The following SLC3A1 variants were observed in gnomAD, a reference collection of about 807,000 sequenced individuals.
SLC3A1 encodes the protein solute carrier family 3 member 1.
SLC3A1 carries 78 observed loss-of-function variants against 60.3 expected under a neutral mutation model. The observed-to-expected ratio is 1.29, with a 90% CI of 1.08 to 1.56. The LOEUF (loss-of-function observed/expected upper bound fraction) is 1.56, where lower values mean the gene tolerates loss of function less well. SLC3A1 is among the 40% of genes most tolerant of loss of function. The probability of loss-of-function intolerance (pLI) is 0.00; values close to 1 mark genes in which losing one functional copy is unlikely to be tolerated. For missense variants in SLC3A1, 1,172 were observed against 858.9 expected (o/e 1.36, Z -4.56); for synonymous variants, 392 against 307.9 (o/e 1.27, Z -2.86).
chr2:44,286,130 C>T lies in SLC3A1; in HGVS notation c.864C>T (p.Arg288=), dbSNP rs751241989. 21 of 1,613,964 alleles carry T rather than the reference C, an allele frequency of 1.3e-5. No homozygotes were observed. The highest frequency in any genetic ancestry group is 1.8e-5 in the Non-Finnish European group (21 of 1,179,884). Residue 288 remains arginine (R), a synonymous_variant, in exon 4 of 10, where the codon CGC becomes CGT. Coordinates refer to ENST00000260649, the MANE Select transcript of SLC3A1 (RefSeq NM_000341.4). The part of the protein sequence containing the change: ...FMKEQPDLNF[R]NPDVQEEIKE... ...AAGAGCAACCTGATTTAAATTTCCG[C>T]AATCCTGATGTTCAAGAAGAAATAA...
chr2:44,315,727 CAG>C (rs1039482410), intron 9 of SLC3A1, among the ~76,000 whole-genome samples: 8 of 141,860 alleles, frequency 5.6e-5, no homozygotes, highest in African/African-American at 2.1e-4. Flanking sequence ...ACAGTTCTAA[CAG>C]AGACAGCACT....
chr2:44,291,726 C>A (rs551466677), intron 4 of SLC3A1, among the ~76,000 whole-genome samples: 1 of 152,076 alleles, frequency 6.6e-6, no homozygotes, highest in Admixed American at 6.6e-5. Flanking sequence ...TGTGTGGAGG[C>A]GGCGTTTGGA....
chr2:44,291,743 T>A (rs1671743459), intron 4 of SLC3A1, among the ~76,000 whole-genome samples: 1 of 152,152 alleles, frequency 6.6e-6, no homozygotes, highest in Non-Finnish European at 1.5e-5. Flanking sequence ...TGGAATGACT[T>A]GCTTGCATAC....
At chr2:44,300,922 G>A (rs1383130729) in intron 5 of SLC3A1, 81 bp from the exon 6 acceptor site, 77 of 1,562,458 alleles carry the variant, frequency 4.9e-5, no homozygotes, top group Non-Finnish European at 6.6e-5. Flanking sequence ...CCTTTGAAGA[G>A]GTTGTCTACA....
intron 9 of SLC3A1, chr2:44,318,724 T>C (rs1672658656): frequency 6.6e-6 from 1 of 152,220 alleles, no homozygotes; most frequent in Admixed American, 6.5e-5. Flanking sequence ...TTTTATAGTA[T>C]GTATTCTTGT....
At chr2:44,283,797 C>G (rs60436711) in intron 3 of SLC3A1, among the ~76,000 whole-genome samples, 1 of 151,234 alleles carries the variant, frequency 6.6e-6, no homozygotes, top group Admixed American at 6.6e-5. Context: ...TGCAAGACTT[C>G]GACTCTAAAA....
At chr2:44,298,073 A>G (rs1453664721) in intron 4 of SLC3A1, among the ~76,000 whole-genome samples, 1 of 152,106 alleles carries the variant, frequency 6.6e-6, no homozygotes, top group Non-Finnish European at 1.5e-5. Flanking sequence ...ATAAGTTTTC[A>G]TTTCTCTCGG....
intron 7 of SLC3A1, among the ~76,000 whole-genome samples, chr2:44,307,352 C>T (rs555647524): frequency 6.6e-6 from 1 of 152,088 alleles, no homozygotes; most frequent in Non-Finnish European, 1.5e-5. Flanking sequence ...GATATATATC[C>T]AGGAGTGGAA....
intron 3 of SLC3A1, among the ~76,000 whole-genome samples, chr2:44,282,247 C>T (rs1259296414): frequency 1.3e-5 from 2 of 152,132 alleles, no homozygotes; most frequent in Admixed American, 6.6e-5. Context: ...TATCTATTTT[C>T]TTTTTGCCTA....
At chr2:44,279,003 A>G (rs777179934) in intron 1 of SLC3A1, among the ~76,000 whole-genome samples, 4 of 145,004 alleles carry the variant, frequency 2.8e-5, no homozygotes, top group African/African-American at 5.0e-5. Context: ...TATATTTATT[A>G]TTTTTTTTTT....
At position 44,299,674 on chromosome 2, in the gene SLC3A1, C is replaced by G. The variant is rs569574677; in HGVS notation, c.892-297C>G. ...ATCTTTTCTTATGGTTTCATTCTTTCATTTTTAGTAGACTCTCTAAACTTT... is the reference window on the plus strand; with the variant it reads ...ATCTTTTCTTATGGTTTCATTCTTTGATTTTTAGTAGACTCTCTAAACTTT... On this transcript the variant is annotated intron_variant, in intron 4 of 9. Transcript: ENST00000260649. Among the ~76,000 whole-genome samples the G allele has an allele frequency of 1.2e-4, 19 of 152,298 alleles. No individual in the cohort carries two copies. In the East Asian group the frequency reaches 1.5e-3, roughly 12 times the overall value.
intron 3 of SLC3A1, among the ~76,000 whole-genome samples, chr2:44,282,350 A>T (rs573614476): frequency 6.6e-6 from 1 of 152,190 alleles, no homozygotes; most frequent in South Asian, 2.1e-4. Flanking sequence ...TGCTAATTTC[A>T]ACCGATCAAC....
intron 9 of SLC3A1, among the ~76,000 whole-genome samples, chr2:44,317,381 G>A (rs1234108437): frequency 6.6e-6 from 1 of 151,666 alleles, no homozygotes; most frequent in Non-Finnish European, 1.5e-5. Flanking sequence ...AGGATCACTT[G>A]AGCCCAGGAT....
At position 44,321,312 on chromosome 2, in the gene SLC3A1, G is replaced by C; in HGVS notation, c.*673G>C. ...CTAACTCAATTGGAAGTAAGACTATGAAATATTTCAGTGTGTTTCCAATTC... is the reference window on the plus strand; with the variant it reads ...CTAACTCAATTGGAAGTAAGACTATCAAATATTTCAGTGTGTTTCCAATTC... On this transcript the variant is annotated 3_prime_UTR_variant, in exon 10 of 10. Transcript: ENST00000260649. 6.9e-7 allele frequency: 1 copy of C among 1,453,882 alleles called. No homozygotes were observed. Among genetic ancestry groups the C allele is most frequent in the Non-Finnish European group, 9.6e-7 (1 of 1,044,636 alleles). The allele number at this position is 1,453,882 out of a possible 1,614,324, so 90.1% of individuals were successfully genotyped here.
intron 4 of SLC3A1, among the ~76,000 whole-genome samples, chr2:44,294,850 T>C (rs938706777): frequency 1.3e-5 from 2 of 152,222 alleles, no homozygotes; most frequent in Admixed American, 6.5e-5. Context: ...CTTCTTGAGA[T>C]GGACAACCTG....
In SLC3A1 at chr2:44,295,312, A is replaced by T. The variant is rs191208177; in HGVS notation, c.892-4659A>T. On this transcript the variant is annotated intron_variant, in intron 4 of 9. Transcript: ENST00000260649. ...CGTGATGTCATGGGAGTCAGACAGG[A>T]GTCAAGGACGTAGTGTATAGTCCAG... Among the ~76,000 whole-genome samples, 184 of 152,290 alleles carry T rather than the reference A, an allele frequency of 1.2e-3. 1 individual carries two copies. Among genetic ancestry groups the T allele is most frequent in the African/African-American group, 4.1e-3 (170 of 41,564 alleles).
Position 44,320,411 on chromosome 2 carries a change from G to T in SLC3A1, c.1830G>T (p.Met610Ile), listed in dbSNP as rs2103644385. The T allele has an allele frequency of 6.2e-7, 1 of 1,614,088 alleles. No individual in the cohort carries two copies. The highest frequency in any genetic ancestry group is 8.5e-7 in the Non-Finnish European group (1 of 1,179,936). ...CAACACTGTTAAATCTACATAATAT[G>T]ATTTCGGGCCTTCCCGCTAAAATGA... ...GESTLLNLHN[M>I]ISGLPAKMRI... The change falls in exon 10 of 10, where the codon ATG becomes ATT. Residue 610 changes from methionine (M) to isoleucine (I), a missense_variant. Transcript: ENST00000260649.
intron 4 of SLC3A1, among the ~76,000 whole-genome samples, chr2:44,291,420 G>A (rs7600730): frequency 0.035 from 5,365 of 152,274 alleles, 324 homozygotes; most frequent in African/African-American, 0.12. Context: ...TACCCAAGCC[G>A]TGGAGTGTGT....
In SLC3A1 at chr2:44,319,151, C is replaced by A. The variant is rs540608031; in HGVS notation, c.1618-1048C>A. 4 of 152,644 alleles carry A rather than the reference C, an allele frequency of 2.6e-5. No homozygotes were observed. The South Asian group carries it at 6.2e-4, about 24-fold the overall frequency. The allele number at this position is 152,644 out of a possible 1,614,324, so 9.5% of individuals were successfully genotyped here. On this transcript the variant is annotated intron_variant, in intron 9 of 9. Coordinates refer to ENST00000260649, the MANE Select transcript of SLC3A1 (RefSeq NM_000341.4). ...AACAGAATAAACATCTTTTTAAACA[C>A]CATTAGATAATTATTTAAAGACCAC...
Sources: allele counts gnomAD v4.1 joint callset (sites outside exome capture counted in the v4.1 genomes callset), GRCh38; gene constraint gnomAD v4.1.1; transcripts MANE v1.5; gene names NCBI Gene and HGNC (gene_info 2026-07-23, HGNC 2026-07-21).